UCK2: variants seen among roughly 807,000 people sequenced by gnomAD.
UCK2 encodes the protein cytidine monophosphokinase 2.
UCK2 carries 6 observed loss-of-function variants against 30.8 expected under a neutral mutation model. The observed-to-expected ratio is 0.19, with a 90% CI of 0.11 to 0.38. The LOEUF is 0.38. Ranked by LOEUF, UCK2 falls within the 10% of genes least tolerant of loss-of-function variation. UCK2 has a pLI of 1.00. For synonymous variants in UCK2, 125 were observed against 133.6 expected, an observed-to-expected ratio of 0.94 and a Z score of 0.45; for missense variants, 210 against 339.8, an observed-to-expected ratio of 0.62 and a Z score of 3.00.
intron 1 of UCK2, among the ~76,000 whole-genome samples, chr1:165,832,001 T>C (rs1350705180): frequency 1.3e-5 from 2 of 152,162 alleles, no homozygotes; most frequent in Non-Finnish European, 2.9e-5. Context: ...ACTCCTGACC[T>C]CAGGTGATCT....
At chr1:165,846,411 T>C (rs1194229630) in intron 1 of UCK2, among the ~76,000 whole-genome samples, 1 of 152,232 alleles carries the variant, frequency 6.6e-6, no homozygotes, top group Non-Finnish European at 1.5e-5. Flanking sequence ...TTTCTATAAC[T>C]GTGCTGATAA....
intron 1 of UCK2, among the ~76,000 whole-genome samples, chr1:165,837,065 C>T (rs1032373417): frequency 1.3e-5 from 2 of 152,112 alleles, no homozygotes; most frequent in East Asian, 1.9e-4. Context: ...TCTGCTCCCA[C>T]GATAATGGCA....
intron 4 of UCK2, among the ~76,000 whole-genome samples, chr1:165,901,205 G>T (rs1194069696): frequency 2.0e-5 from 3 of 152,182 alleles, no homozygotes; most frequent in Admixed American, 1.3e-4. Flanking sequence ...CTGCTGGGCT[G>T]GGTGGGCAAG....
chr1:165,854,055 AAG>A (rs1184570767), intron 1 of UCK2, among the ~76,000 whole-genome samples: 5 of 152,162 alleles, frequency 3.3e-5, no homozygotes, highest in Non-Finnish European at 7.3e-5. Context: ...GCTCTTTGGG[AAG>A]TCTGAGAAAC....
At chr1:165,863,738 A>G (rs1441975987) in intron 1 of UCK2, among the ~76,000 whole-genome samples, 1 of 152,232 alleles carries the variant, frequency 6.6e-6, no homozygotes, top group East Asian at 1.9e-4. Flanking sequence ...AATAACCTCT[A>G]GCAGGGTGCT....
chr1:165,878,967 T>C (rs898947694), intron 1 of UCK2, among the ~76,000 whole-genome samples: 2 of 152,262 alleles, frequency 1.3e-5, no homozygotes, highest in Admixed American at 6.5e-5. Flanking sequence ...CTCCACATCC[T>C]TGTTAGCACT....
At chr1:165,884,914 G>A (rs1404798047) in intron 1 of UCK2, among the ~76,000 whole-genome samples, 1 of 152,194 alleles carries the variant, frequency 6.6e-6, no homozygotes, top group Admixed American at 6.5e-5. Flanking sequence ...AGCATGTCTA[G>A]TGGACCCTGG....
At chr1:165,888,714 C>A (rs978025619) in intron 1 of UCK2, among the ~76,000 whole-genome samples, 2 of 143,960 alleles carry the variant, frequency 1.4e-5, no homozygotes, top group Admixed American at 1.4e-4. Flanking sequence ...AATTCCTGAC[C>A]TCAAGCAATC....
At chr1:165,877,148 C>G (rs1282846060) in intron 1 of UCK2, among the ~76,000 whole-genome samples, 1 of 152,026 alleles carries the variant, frequency 6.6e-6, no homozygotes, top group Non-Finnish European at 1.5e-5. Context: ...TCATCTCATC[C>G]CAATTAATTA....
At chr1:165,843,733 C>T (rs989821801) in intron 1 of UCK2, among the ~76,000 whole-genome samples, 1 of 152,130 alleles carries the variant, frequency 6.6e-6, no homozygotes, top group African/African-American at 2.4e-5. Context: ...TGGAGAGACC[C>T]TGTCTCTAAA....
At chr1:165,879,068 T>C (rs1231653156) in intron 1 of UCK2, among the ~76,000 whole-genome samples, 3 of 152,202 alleles carry the variant, frequency 2.0e-5, no homozygotes, top group Non-Finnish European at 2.9e-5. Context: ...ACAATAGATG[T>C]GGAACATCTT....
intron 1 of UCK2, among the ~76,000 whole-genome samples, chr1:165,840,165 G>A (rs1037664105): frequency 3.3e-5 from 5 of 152,086 alleles, no homozygotes; most frequent in African/African-American, 9.7e-5. Context: ...GTTATCCCCC[G>A]GCATTGGCCT....
intron 1 of UCK2, among the ~76,000 whole-genome samples, chr1:165,875,385 A>G (rs1029397859): frequency 1.8e-4 from 27 of 152,252 alleles, no homozygotes; most frequent in African/African-American, 6.5e-4. Flanking sequence ...TTACTCTCAC[A>G]CCACAACAGT....
At position 165,891,238 on chromosome 1, in the gene UCK2, A is replaced by G. The variant is rs547078763; in HGVS notation, c.272A>G (p.Asn91Ser). The change falls in exon 3 of 7, where the codon AAT (asparagine) becomes AGT (serine). Residue 91 changes from asparagine (N) to serine (S), a missense_variant. Physicochemically the swap from Asn to Ser is conservative, Grantham distance 46. Transcript: ENST00000367879. ...TGGTATTTTTCAGATGCCTTTGACAATGAACTCATTCTCAAAACACTCAAA... is the reference window on the plus strand; with the variant it reads ...TGGTATTTTTCAGATGCCTTTGACAGTGAACTCATTCTCAAAACACTCAAA... ...FNFDHPDAFD[N>S]ELILKTLKEI... The G allele has an allele frequency of 1.2e-6, 2 of 1,614,190 alleles. No homozygotes were observed. Among genetic ancestry groups the G allele is most frequent in the African/African-American group, 2.7e-5 (2 of 75,050 alleles).
chr1:165,866,797 A>G (rs1311382694), intron 1 of UCK2, among the ~76,000 whole-genome samples: 2 of 152,234 alleles, frequency 1.3e-5, no homozygotes, highest in Non-Finnish European at 2.9e-5. Context: ...ATTTTACTTA[A>G]TATAATTCCT....
intron 1 of UCK2, among the ~76,000 whole-genome samples, chr1:165,834,635 CAGA>C (rs575793489): frequency 2.2e-4 from 34 of 152,288 alleles, no homozygotes; most frequent in East Asian, 1.7e-3. Flanking sequence ...TGAACAATGA[CAGA>C]AGGTGACAAC....
At chr1:165,855,916 A>G (rs1444619785) in intron 1 of UCK2, among the ~76,000 whole-genome samples, 3 of 151,970 alleles carry the variant, frequency 2.0e-5, no homozygotes, top group African/African-American at 7.3e-5. Context: ...TGGCCTTTTT[A>G]CGCCCTGGTG....
intron 1 of UCK2, among the ~76,000 whole-genome samples, chr1:165,848,439 C>A (rs1487160349): frequency 6.6e-6 from 1 of 152,070 alleles, no homozygotes; most frequent in Non-Finnish European, 1.5e-5. Context: ...CGACACCAGC[C>A]TGGCCAACAT....
intron 1 of UCK2, among the ~76,000 whole-genome samples, chr1:165,842,491 A>G (rs2101852969): frequency 6.6e-6 from 1 of 152,284 alleles, no homozygotes; most frequent in Middle Eastern, 3.4e-3. Flanking sequence ...GATGTACAAG[A>G]CAGAAACCTT....
Sources: allele counts gnomAD v4.1 joint callset (sites outside exome capture counted in the v4.1 genomes callset), GRCh38; gene constraint gnomAD v4.1.1; transcripts MANE v1.5; gene names NCBI Gene and HGNC (gene_info 2026-07-23, HGNC 2026-07-21).